MVP: variants seen among roughly 807,000 people sequenced by gnomAD.
MVP encodes the protein lung resistance-related protein.
In MVP, 62 loss-of-function variants were observed where a neutral mutation model predicts 83.5. The observed-to-expected ratio is 0.74, with a 90% CI of 0.61 to 0.92. MVP has a LOEUF of 0.92. Ranked by LOEUF, MVP falls within the 40% of genes least tolerant of loss-of-function variation. The pLI is 0.00. For synonymous variants in MVP, 505 were observed against 504.1 expected (o/e 1.00, Z -0.02); for missense variants, 1,000 against 1,203.4 (o/e 0.83, Z 2.50).
At chr16:29,836,589 A>AAAT (rs1256944213) in intron 6 of MVP, 133 bp from the exon 7 acceptor site, 1 of 781,542 alleles carries the variant, frequency 1.3e-6, no homozygotes, top group East Asian at 2.6e-5. Context: ...AAAAAAAAAA[A>AAAT]AAACAATCCC....
rs1457860412 is a variant in MVP at position 29,841,173 on chromosome 16, G to A, written c.1192-423G>A. On this transcript the variant is annotated intron_variant, in intron 8 of 14. Coordinates refer to ENST00000357402, the MANE Select transcript of MVP (RefSeq NM_005115.5). The surrounding 1 kb of genome is among the most constrained non-coding windows in gnomAD (Gnocchi z 4.7). ...TCTCCAACCTTCTCTAAGAATCCAAGCTGGAAGTCCAGCTTGGAATCCGAG... is the reference window on the plus strand; with the variant it reads ...TCTCCAACCTTCTCTAAGAATCCAAACTGGAAGTCCAGCTTGGAATCCGAG... Among the ~76,000 whole-genome samples the A allele has an allele frequency of 6.6e-6, 1 of 152,028 alleles. No homozygotes were observed. Among genetic ancestry groups the A allele is most frequent in the Non-Finnish European group, 1.5e-5 (1 of 68,006 alleles).
intron 7 of MVP, 169 bp from the exon 8 acceptor site, chr16:29,840,009 G>A: frequency 1.7e-6 from 1 of 602,126 alleles, no homozygotes; most frequent in Non-Finnish European, 2.8e-6. Flanking sequence ...TTTGTGTAGA[G>A]CCTCACAGTC....
intron 1 of MVP, among the ~76,000 whole-genome samples, chr16:29,824,964 ACTC>A (rs2067395055): frequency 6.7e-6 from 1 of 148,692 alleles, no homozygotes; most frequent in Non-Finnish European, 1.5e-5. Flanking sequence ...CTGGTCTTGA[ACTC>A]CTGGCCTCAA....
At chr16:29,847,638 C>A (rs369878964) in intron 14 of MVP, 124 bp from the exon 15 acceptor site, 14 of 1,049,406 alleles carry the variant, frequency 1.3e-5, no homozygotes, top group African/African-American at 1.3e-4. Context: ...ATTTCCAAGG[C>A]AGTCAAGCAG....
At position 29,830,753 on chromosome 16, in the gene MVP, C is replaced by T. The variant is rs371193186; in HGVS notation, c.125+79C>T. ...GGCTGGCATGATGGTCCTTATCCTC[C>T]TCCCTCTTCCCAAGCAGGAGTGGCC... On this transcript the variant is annotated intron_variant, in intron 2 of 14. Transcript: ENST00000357402. 3.8e-4 allele frequency: 595 copies of T among 1,582,378 alleles called. 2 individuals carry two copies. Among genetic ancestry groups the T allele is most frequent in the South Asian group, 3.6e-3 (308 of 86,056 alleles).
chr16:29,844,587 T>C lies in MVP; in HGVS notation c.1729T>C (p.Ser577Pro). 2 of 1,613,054 alleles carry C rather than the reference T, an allele frequency of 1.2e-6. No individual in the cohort carries two copies. The highest frequency in any genetic ancestry group is 1.7e-6 in the Non-Finnish European group (2 of 1,179,398). ...AGGTGATGCCTGCAAAGCCATCGCA[T>C]CCCGGGTGCGGGGGGCCGTGGCCTC... is the stretch of plus-strand genomic sequence containing the variant. Reference protein sequence around the residue: ...FVGDACKAIASRVRGAVASVT... With the variant: ...FVGDACKAIAPRVRGAVASVT... The change falls in exon 11 of 15, where the codon TCC (serine) becomes CCC (proline). Residue 577 changes from serine to proline, a missense_variant. Transcript: ENST00000357402.
rs185083754 is a variant in MVP, at chr16:29,838,654, C to T, written c.910-1524C>T. Among the ~76,000 whole-genome samples, 216 of 151,640 alleles carry T rather than the reference C, an allele frequency of 1.4e-3. 1 individual carries two copies. The highest frequency in any genetic ancestry group is 3.4e-3 in the Admixed American group (52 of 15,236). ...ACCAGCCTGGGTAACATAGTGAGAC[C>T]CCATTTTTACAAAAACTTTTAAAAA... On this transcript the variant is annotated intron_variant, in intron 7 of 14. Coordinates refer to ENST00000357402, the MANE Select transcript of MVP (RefSeq NM_005115.5).
intron 2 of MVP, 50 bp from the exon 3 acceptor site, chr16:29,830,828 T>C: frequency 6.3e-7 from 1 of 1,586,152 alleles, no homozygotes; most frequent in South Asian, 1.1e-5. Flanking sequence ...TCCTCTTTGG[T>C]AGTGGAGACC....
Position 29,836,764 on chromosome 16 carries a change from A to G in MVP, c.715A>G (p.Arg239Gly). The G allele has an allele frequency of 1.9e-6, 3 of 1,610,788 alleles. No individual in the cohort carries two copies. Among genetic ancestry groups the G allele is most frequent in the Non-Finnish European group, 2.5e-6 (3 of 1,177,848 alleles). Residue 239 changes from arginine (R) to glycine (G), a missense_variant, in exon 7 of 15, where the codon AGG becomes GGG. Arg to Gly is a moderately radical substitution (Grantham distance 125). Coordinates refer to ENST00000357402, the MANE Select transcript of MVP (RefSeq NM_005115.5). ...GGCTCGGCGGAACTTCCGGGACTTC[A>G]GGGGAGTGTCCCGCCGCACTGGGGA... The part of the protein sequence containing the change: ...LRARRNFRDF[R>G]GVSRRTGEEW...
At chr16:29,824,891 G>A (rs1300356675) in intron 1 of MVP, among the ~76,000 whole-genome samples, 2 of 151,692 alleles carry the variant, frequency 1.3e-5, no homozygotes, top group Non-Finnish European at 2.9e-5. Flanking sequence ...AGTCTGATCC[G>A]GTCTCCCTCT....
In MVP at chr16:29,846,188, G is replaced by GGCGGAGGCCGAGTCCCGT; in HGVS notation, c.2178_2195dup (p.Glu727_Ala732dup). ...CCGTGGAGAGCACCGGGACTGCCAA[G>GGCGGAGGCCGAGTCCCGT]GCGGAGGCCGAGTCCCGTGCGGAGG... On this transcript the variant is annotated inframe_insertion, in exon 13 of 15. Transcript: ENST00000357402. 1 of 1,609,282 alleles carries GGCGGAGGCCGAGTCCCGT rather than the reference G, an allele frequency of 6.2e-7. No homozygotes were observed. The highest frequency in any genetic ancestry group is 8.5e-7 in the Non-Finnish European group (1 of 1,177,940).
In MVP at chr16:29,844,606, T is replaced by C; in HGVS notation, c.1748T>C (p.Val583Ala). 1 of 1,613,954 alleles carries C rather than the reference T, an allele frequency of 6.2e-7. No homozygotes were observed. The highest frequency in any genetic ancestry group is 8.5e-7 in the Non-Finnish European group (1 of 1,179,880). ...ATCGCATCCCGGGTGCGGGGGGCCG[T>C]GGCCTCTGTCACTTTCGATGACTTC... ...KAIASRVRGA[V>A]ASVTFDDFHK... The change falls in exon 11 of 15, where the codon GTG becomes GCG. Residue 583 changes from valine (V) to alanine (A), a missense_variant. Physicochemically the swap from Val to Ala is moderately conservative, Grantham distance 64. Transcript: ENST00000357402.
rs1253356449 is a variant in MVP at position 29,845,865 on chromosome 16, A to G, written c.2024A>G (p.His675Arg). The G allele has an allele frequency of 6.2e-7, 1 of 1,613,736 alleles. No homozygotes were observed. The highest frequency in any genetic ancestry group is 1.1e-5 in the South Asian group (1 of 91,058). Residue 675 changes from histidine (H) to arginine (R), a missense_variant and splice_region_variant, in exon 12 of 15, where the codon CAT becomes CGT. His to Arg is a conservative substitution (Grantham distance 29, BLOSUM62 0). Coordinates refer to ENST00000357402, the MANE Select transcript of MVP (RefSeq NM_005115.5). ...CACCTGCGCTCCGTCTCCTCCAGGC[A>G]TGAGGCTCAGAGACTGGAGCAGGAA... ...TTNSQEAAAK[H>R]EAQRLEQEAR...
rs772218851 is a variant in MVP, at chr16:29,836,779, C to T, written c.730C>T (p.Arg244Cys). 32 of 1,612,496 alleles carry T rather than the reference C, an allele frequency of 2.0e-5. 1 individual carries two copies. The highest frequency in any genetic ancestry group is 7.7e-5 in the South Asian group (7 of 90,980). The change falls in exon 7 of 15, where the codon CGC (arginine) becomes TGC (cysteine). Residue 244 changes from arginine (R) to cysteine (C), a missense_variant. Coordinates refer to ENST00000357402, the MANE Select transcript of MVP (RefSeq NM_005115.5). ...CCGGGACTTCAGGGGAGTGTCCCGC[C>T]GCACTGGGGAGGAGTGGCTGGTAAC... ...NFRDFRGVSR[R>C]TGEEWLVTVQ...
At position 29,840,146 on chromosome 16, in the gene MVP, G is replaced by A. The variant is rs370673521; in HGVS notation, c.910-32G>A. ...ATTGGAAGCACCCGCAACCCTAAAG[G>A]CACTGACCCTAACCTCACGTCTCCC... is the stretch of plus-strand genomic sequence containing the variant. On this transcript the variant is annotated intron_variant, in intron 7 of 14. Transcript: ENST00000357402. The A allele has an allele frequency of 1.2e-5, 19 of 1,569,588 alleles. No individual in the cohort carries two copies. In the African/African-American group the frequency reaches 2.4e-4, roughly 20 times the overall value.
At chr16:29,824,694 G>A (rs2067392939) in intron 1 of MVP, among the ~76,000 whole-genome samples, 1 of 151,996 alleles carries the variant, frequency 6.6e-6, no homozygotes, top group African/African-American at 2.4e-5. Context: ...GGAGGTAGGT[G>A]GACGTTGCAG....
Position 29,844,862 on chromosome 16 carries a change from C to G in MVP, c.2004C>G (p.Ser668=), listed in dbSNP as rs186036077. ...TGGCCATCGAGATCACCACCAACTC[C>G]CAGGAAGCGGCGGCCAAGTAAGTGA... ...VQLAIEITTN[S]QEAAAKHEAQ... is the part of the protein sequence containing the mutation. The change falls in exon 11 of 15, where the codon TCC becomes TCG. Residue 668 remains serine, a synonymous_variant. Coordinates refer to ENST00000357402, the MANE Select transcript of MVP (RefSeq NM_005115.5). The G allele has an allele frequency of 1.2e-6, 2 of 1,601,304 alleles. No homozygotes were observed. Among genetic ancestry groups the G allele is most frequent in the East Asian group, 4.5e-5 (2 of 44,802 alleles).
At chr16:29,821,552 A>G (rs12149746) in intron 1 of MVP, among the ~76,000 whole-genome samples, 145,876 of 152,264 alleles carry the variant, frequency 0.96, 70,155 homozygotes, top group Non-Finnish European at 1. Context: ...AACTGCCATT[A>G]GCACCATCTG....
chr16:29,844,744 C>T lies in MVP; in HGVS notation c.1886C>T (p.Pro629Leu). 4.3e-6 allele frequency: 7 copies of T among 1,612,786 alleles called. No homozygotes were observed. The highest frequency in any genetic ancestry group is 5.9e-6 in the Non-Finnish European group (7 of 1,179,990). ...LPRPRDQAVFPQNGLVVSSVD... is the reference protein window; with the variant it reads ...LPRPRDQAVFLQNGLVVSSVD... ...AGGCCCCGGGACCAGGCTGTCTTCC[C>T]CCAAAACGGGCTGGTGGTCAGCAGT... is the stretch of plus-strand genomic sequence containing the variant. Residue 629 changes from proline to leucine, a missense_variant, in exon 11 of 15, where the codon CCC becomes CTC. Transcript: ENST00000357402.
Sources: gnomAD v4.1 joint callset for allele counts (sites outside exome capture counted in the v4.1 genomes callset) on GRCh38, gnomAD v4.1.1 for gene constraint, Gnocchi (gnomAD v3.1) non-coding constraint, MANE v1.5 for transcripts, NCBI Gene and HGNC (gene_info 2026-07-23, HGNC 2026-07-21) for gene names.